The following TRIP4 variants were observed in gnomAD, a reference collection of about 807,000 sequenced individuals.
The protein encoded by TRIP4 is thyroid hormone receptor interactor 4.
TRIP4 carries 54 observed loss-of-function variants against 81.8 expected under a neutral mutation model. That is an observed-to-expected ratio of 0.66 (90% CI 0.53 to 0.83). The LOEUF is 0.83. TRIP4 is among the 40% of genes least tolerant of loss of function. The probability of loss-of-function intolerance (pLI) is 0.00; values close to 1 mark genes in which losing one functional copy is unlikely to be tolerated. For synonymous variants in TRIP4, 270 were observed against 242.8 expected (o/e 1.11, Z -1.04); for missense variants, 662 against 683.6 (o/e 0.97, Z 0.35).
At chr15:64,451,582 C>T (rs181803034) in intron 12 of TRIP4, among the ~76,000 whole-genome samples, 2 of 151,360 alleles carry the variant, frequency 1.3e-5, no homozygotes, top group African/African-American at 4.9e-5. Flanking sequence ...AGCAATTCTC[C>T]CACCTCAGCC....
intron 2 of TRIP4, among the ~76,000 whole-genome samples, chr15:64,394,856 T>G (rs1337246224): frequency 6.6e-6 from 1 of 152,158 alleles, no homozygotes; most frequent in Non-Finnish European, 1.5e-5. Context: ...GAATTTTGTT[T>G]GTTTTGAGAC....
chr15:64,451,699 G>A (rs1892765790), intron 12 of TRIP4, among the ~76,000 whole-genome samples: 2 of 150,778 alleles, frequency 1.3e-5, no homozygotes, highest in Admixed American at 1.3e-4. Context: ...TGTTGCCCAG[G>A]CTGGAGTGCA....
chr15:64,436,447 T>C (rs1566983214), intron 11 of TRIP4, among the ~76,000 whole-genome samples: 1 of 149,346 alleles, frequency 6.7e-6, no homozygotes, highest in South Asian at 2.1e-4. Flanking sequence ...TAAAAATTAG[T>C]TGGGCATGGT....
chr15:64,424,337 CAG>C (rs1596351341), intron 10 of TRIP4, 182 bp downstream of exon 10: 2 of 744,812 alleles, frequency 2.7e-6, no homozygotes, highest in East Asian at 2.9e-5. Context: ...TCTGTCAAAA[CAG>C]TGCAAATAAA....
At chr15:64,398,527 C>T (rs527294020) in intron 4 of TRIP4, among the ~76,000 whole-genome samples, 2 of 151,468 alleles carry the variant, frequency 1.3e-5, no homozygotes, top group African/African-American at 4.8e-5. Flanking sequence ...ATGGGAGCTT[C>T]ACTTGATCCC....
chr15:64,423,496 G>A (rs1036158858), intron 9 of TRIP4, among the ~76,000 whole-genome samples: 1 of 150,604 alleles, frequency 6.6e-6, no homozygotes, highest in East Asian at 1.9e-4. Flanking sequence ...AAGCAAATGG[G>A]TGTGGTTCTA....
chr15:64,415,680 A>G (rs1223507765), intron 8 of TRIP4, among the ~76,000 whole-genome samples: 2 of 152,222 alleles, frequency 1.3e-5, no homozygotes, highest in Non-Finnish European at 2.9e-5. Context: ...ATAATCTAAT[A>G]TAACCTCATC....
intron 11 of TRIP4, among the ~76,000 whole-genome samples, chr15:64,437,284 G>A (rs190668572): frequency 2.0e-5 from 3 of 150,612 alleles, no homozygotes; most frequent in African/African-American, 7.3e-5. Context: ...TTAGCCAGGC[G>A]CATACCTATA....
At chr15:64,402,826 A>G (rs191095274) in intron 5 of TRIP4, among the ~76,000 whole-genome samples, 79 of 149,318 alleles carry the variant, frequency 5.3e-4, no homozygotes, top group African/African-American at 1.9e-3. Flanking sequence ...GCACTTGGTC[A>G]GTTAAGGACA....
In TRIP4 at chr15:64,418,574, A is replaced by G; in HGVS notation, c.1204A>G (p.Lys402Glu). The G allele has an allele frequency of 6.2e-7, 1 of 1,613,186 alleles. No homozygotes were observed. Among genetic ancestry groups the G allele is most frequent in the Non-Finnish European group, 8.5e-7 (1 of 1,180,008 alleles). ...CCACACAGGTGCAGCCTCACAGAAG[A>G]AGGCTTTCCGTTCTTCAGGATTTGG... ...VDHTGAASQK[K>E]AFRSSGFGLE... Residue 402 changes from lysine to glutamate, a missense_variant, in exon 9 of 13, where the codon AAG (lysine) becomes GAG (glutamate). Coordinates refer to ENST00000261884, the MANE Select transcript of TRIP4 (RefSeq NM_016213.5).
intron 5 of TRIP4, among the ~76,000 whole-genome samples, chr15:64,403,132 GA>G (rs1891548759): frequency 7.1e-6 from 1 of 140,584 alleles, no homozygotes; most frequent in Admixed American, 7.1e-5. Context: ...AAAGTGCTGG[GA>G]TTACAGGCGC....
At position 64,424,124 on chromosome 15, in the gene TRIP4, C is replaced by T. The variant is rs1187059877; in HGVS notation, c.1452C>T (p.Leu484=). The change falls in exon 10 of 13, where the codon CTC becomes CTT. Residue 484 remains leucine (L), a synonymous_variant. Transcript: ENST00000261884. ...KKPSPQEVSE[L]QATYRLLRGK... ...CCTCCCCTCAAGAAGTCTCAGAACT[C>T]CAGGCTACATATCGTCTTCTTCGTG... The T allele has an allele frequency of 6.2e-7, 1 of 1,614,084 alleles. No homozygotes were observed. Among genetic ancestry groups the T allele is most frequent in the Non-Finnish European group, 8.5e-7 (1 of 1,180,046 alleles).
At position 64,425,649 on chromosome 15, in the gene TRIP4, T is replaced by C. The variant is rs761782889; in HGVS notation, c.1575+18T>C. On this transcript the variant is annotated intron_variant, in intron 11 of 12. Coordinates refer to ENST00000261884, the MANE Select transcript of TRIP4 (RefSeq NM_016213.5). ...AGGAGCAGGTGAGTAAAGAATACTT[T>C]TTTTTTTTAGAGACAGGGTTTCGCC... 4 of 1,590,640 alleles carry C rather than the reference T, an allele frequency of 2.5e-6. No individual in the cohort carries two copies. In the African/African-American group the frequency reaches 4.1e-5, roughly 16 times the overall value.
At chr15:64,425,494 C>G in intron 10 of TRIP4, 46 bp from the exon 11 acceptor site, 1 of 1,512,868 alleles carries the variant, frequency 6.6e-7, no homozygotes, top group Admixed American at 1.8e-5. Context: ...GTTCCAAGAT[C>G]ACAAAGAAGG....
Position 64,397,964 on chromosome 15 carries a change from G to A in TRIP4, c.618+146G>A, listed in dbSNP as rs547820654. Reference sequence around the variant, plus strand: ...CGCCCAGGCTGGAGTGCAGTGGCACGATCTCGGCTCGCTGCAGGCTCTGCC... The same window carrying A: ...CGCCCAGGCTGGAGTGCAGTGGCACAATCTCGGCTCGCTGCAGGCTCTGCC... On this transcript the variant is annotated intron_variant, in intron 4 of 12. Transcript: ENST00000261884. 28 of 846,838 alleles carry A rather than the reference G, an allele frequency of 3.3e-5. No homozygotes were observed. In the African/African-American group the frequency reaches 3.6e-4, roughly 11 times the overall value. The allele number at this position is 846,838 out of a possible 1,614,324, so 52.5% of individuals were successfully genotyped here. A position where few individuals can be genotyped will look rare whatever the true frequency, so the allele number is the denominator to read the frequency against.
chr15:64,418,622 C>T lies in TRIP4; in HGVS notation c.1252C>T (p.His418Tyr). 2 of 1,613,840 alleles carry T rather than the reference C, an allele frequency of 1.2e-6. No homozygotes were observed. Among genetic ancestry groups the T allele is most frequent in the South Asian group, 1.1e-5 (1 of 91,066 alleles). The change falls in exon 9 of 13, where the codon CAC (histidine) becomes TAC (tyrosine). Residue 418 changes from histidine to tyrosine, a missense_variant. His to Tyr is a moderately conservative substitution (Grantham distance 83, BLOSUM62 2). Transcript: ENST00000261884. Reference protein sequence around the residue: ...GFGLEFNSFQHQLRIQDQEFQ... With the variant: ...GFGLEFNSFQYQLRIQDQEFQ... ...TGGACTAGAGTTCAACTCATTTCAG[C>T]ACCAGTTGCGAATCCAGGATCAAGA...
chr15:64,426,037 C>T (rs186855487), intron 11 of TRIP4, among the ~76,000 whole-genome samples: 35 of 152,086 alleles, frequency 2.3e-4, no homozygotes, highest in African/African-American at 8.2e-4. Flanking sequence ...GAGCTGAGGT[C>T]CTGCCACTGC....
In TRIP4 at chr15:64,448,371, G is replaced by A. The variant is rs541577490; in HGVS notation, c.1678+3263G>A. Among the ~76,000 whole-genome samples, 9 of 152,244 alleles carry A rather than the reference G, an allele frequency of 5.9e-5. 1 individual carries two copies. In the South Asian group the frequency reaches 1.2e-3, roughly 21 times the overall value. On this transcript the variant is annotated intron_variant, in intron 12 of 12. Transcript: ENST00000261884. ...ATGGTGAGGGGAGTGACATTCTTAG[G>A]AGAAACCTTTAATAACTTCCTATCT...
At chr15:64,454,412 C>T (rs1236990555) in intron 12 of TRIP4, among the ~76,000 whole-genome samples, 1 of 152,112 alleles carries the variant, frequency 6.6e-6, no homozygotes, top group African/African-American at 2.4e-5. Flanking sequence ...GGGAAGGTTG[C>T]TTGTTTTCTA....
Sources: allele counts gnomAD v4.1 joint callset (sites outside exome capture counted in the v4.1 genomes callset), GRCh38; gene constraint gnomAD v4.1.1; transcripts MANE v1.5; gene names NCBI Gene and HGNC (gene_info 2026-07-23, HGNC 2026-07-21).